The following RBM27 variants were observed in gnomAD, a reference collection of about 807,000 sequenced individuals.
RBM27 encodes RNA binding motif protein 27.
Under a neutral mutation model 135.3 loss-of-function variants are expected in RBM27, and 22 were observed. That is an observed-to-expected ratio of 0.16 (90% CI 0.12 to 0.23). The LOEUF (loss-of-function observed/expected upper bound fraction) is 0.23, where lower values mean the gene tolerates loss of function less well. Ranked by LOEUF, RBM27 falls within the 10% of genes least tolerant of loss-of-function variation. The pLI is 1.00. For synonymous variants in RBM27, 481 were observed against 442.4 expected (o/e 1.09, Z -1.10); for missense variants, 1,009 against 1,281.0 (o/e 0.79, Z 3.24).
At chr5:146,232,155 T>C (rs1166258905) in intron 6 of RBM27, among the ~76,000 whole-genome samples, 1 of 152,222 alleles carries the variant, frequency 6.6e-6, no homozygotes, top group Non-Finnish European at 1.5e-5. Flanking sequence ...TTTTAATGTA[T>C]GCTCCCACTC....
intron 1 of RBM27, 67 bp downstream of exon 1, chr5:146,203,891 AGGGGAGGTGGCGTGGGGGG>A: frequency 1.8e-5 from 2 of 110,374 alleles, no homozygotes; most frequent in Non-Finnish European, 1.6e-5. Flanking sequence ...GGCGTGGGGG[AGGGGAGGTGGCGTGGGGGG>A]CGGCGCTGAG....
intron 8 of RBM27, among the ~76,000 whole-genome samples, chr5:146,243,435 T>C (rs1757493171): frequency 6.6e-6 from 1 of 152,190 alleles, no homozygotes; most frequent in South Asian, 2.1e-4. Context: ...GCCAATATGA[T>C]GCTCAAAGGA....
intron 8 of RBM27, among the ~76,000 whole-genome samples, chr5:146,240,842 T>C (rs1757376748): frequency 6.6e-6 from 1 of 152,180 alleles, no homozygotes; most frequent in East Asian, 1.9e-4. Context: ...ATAGCGTCTT[T>C]TCATAGAACA....
chr5:146,277,577 C>T (rs1581241935), intron 19 of RBM27, among the ~76,000 whole-genome samples: 2 of 140,202 alleles, frequency 1.4e-5, no homozygotes, highest in Non-Finnish European at 3.0e-5. Context: ...GGCTGGAGTG[C>T]AGTGGCACGA....
At chr5:146,238,680 G>T (rs1057096880) in intron 8 of RBM27, among the ~76,000 whole-genome samples, 1 of 149,024 alleles carries the variant, frequency 6.7e-6, no homozygotes, top group Non-Finnish European at 1.5e-5. Flanking sequence ...TTTTTACAAG[G>T]CCTGGTAACT....
intron 13 of RBM27, 115 bp downstream of exon 13, chr5:146,261,921 G>A: frequency 9.6e-7 from 1 of 1,043,660 alleles, no homozygotes; most frequent in Non-Finnish European, 1.4e-6. Flanking sequence ...TTGAACTGCA[G>A]ACCAGTAGCA....
rs1756538795 is a variant in RBM27, at chr5:146,223,384, T to A, written c.179-19T>A. On this transcript the variant is annotated intron_variant, in intron 2 of 20. Coordinates refer to ENST00000265271, the MANE Select transcript of RBM27 (RefSeq NM_018989.2). The stretch of plus-strand genomic sequence containing the variant: ...GTTTTTTGTTTGCGCAATATGTAAA[T>A]GTTATTTCTTCTCCTTAGAAACTTC... 1 of 1,571,274 alleles carries A rather than the reference T, an allele frequency of 6.4e-7. No individual in the cohort carries two copies. Among genetic ancestry groups the A allele is most frequent in the Middle Eastern group, 1.7e-4 (1 of 5,822 alleles).
chr5:146,223,655 C>T (rs951899647), intron 3 of RBM27, 128 bp downstream of exon 3: 1 of 1,037,300 alleles, frequency 9.6e-7, no homozygotes, highest in Middle Eastern at 2.2e-4. Flanking sequence ...AGGCATGGTA[C>T]AGATTCTTCA....
At chr5:146,255,242 G>A in intron 10 of RBM27, 150 bp downstream of exon 10, 1 of 559,314 alleles carries the variant, frequency 1.8e-6, no homozygotes, top group Non-Finnish European at 2.8e-6. Context: ...ATTAATCTCA[G>A]ATTTTTTAAA....
rs144772899 is a variant in RBM27 at position 146,204,568 on chromosome 5, G to T, written c.59+744G>T. ...GAAAAAAGAGGTTTCTGTAAGTTTA[G>T]TTGAAGGTTGAAAGGGCTACACTGG... On this transcript the variant is annotated intron_variant, in intron 1 of 20. Coordinates refer to ENST00000265271, the MANE Select transcript of RBM27 (RefSeq NM_018989.2). Among the ~76,000 whole-genome samples the T allele has an allele frequency of 9.8e-5, 15 of 152,302 alleles. No homozygotes were observed. The East Asian group carries it at 2.9e-3, about 29-fold the overall frequency.
chr5:146,206,621 T>G (rs189275798), intron 1 of RBM27, among the ~76,000 whole-genome samples: 5 of 152,172 alleles, frequency 3.3e-5, no homozygotes, highest in Non-Finnish European at 7.4e-5. Context: ...GCTCTTGTTG[T>G]CCAGGCTGGA....
At chr5:146,268,802 A>G (rs764650566) in intron 15 of RBM27, among the ~76,000 whole-genome samples, 2 of 152,054 alleles carry the variant, frequency 1.3e-5, no homozygotes, top group Non-Finnish European at 2.9e-5. Flanking sequence ...GGCTGGACTC[A>G]AGCATTCCTA....
chr5:146,268,823 C>T (rs1308545568), intron 15 of RBM27, among the ~76,000 whole-genome samples: 2 of 152,080 alleles, frequency 1.3e-5, no homozygotes, highest in African/African-American at 4.8e-5. Context: ...CCACCTCAGC[C>T]TCCCAAAATG....
intron 19 of RBM27, 108 bp from the exon 20 acceptor site, chr5:146,284,514 C>A: frequency 2.7e-6 from 2 of 747,796 alleles, no homozygotes; most frequent in Non-Finnish European, 4.7e-6. Flanking sequence ...TCCACCTTAA[C>A]AGATTTCTCT....
chr5:146,268,048 A>G lies in RBM27; in HGVS notation c.2451+280A>G, dbSNP rs369911275. Among the ~76,000 whole-genome samples, 11 of 152,102 alleles carry G rather than the reference A, an allele frequency of 7.2e-5. 1 individual carries two copies. In the East Asian group the frequency reaches 1.9e-3, roughly 27 times the overall value. ...CTAGGTAGATAATGATTCATATAAA[A>G]TATAAGACTTTTGTAATTATTATCT... On this transcript the variant is annotated intron_variant, in intron 15 of 20. Coordinates refer to ENST00000265271, the MANE Select transcript of RBM27 (RefSeq NM_018989.2).
At chr5:146,273,539 G>C (rs1758959546) in intron 19 of RBM27, among the ~76,000 whole-genome samples, 1 of 152,098 alleles carries the variant, frequency 6.6e-6, no homozygotes, top group Non-Finnish European at 1.5e-5. Context: ...ATCAGAAAGG[G>C]TATTGAGTAC....
At position 146,258,437 on chromosome 5, in the gene RBM27, T is replaced by G; in HGVS notation, c.1595-12T>G. 2 of 1,532,594 alleles carry G rather than the reference T, an allele frequency of 1.3e-6. No homozygotes were observed. Among genetic ancestry groups the G allele is most frequent in the South Asian group, 1.3e-5 (1 of 77,786 alleles). The allele number at this position is 1,532,594 out of a possible 1,614,324, so 94.9% of individuals were successfully genotyped here. A position where few individuals can be genotyped will look rare whatever the true frequency, so the allele number is the denominator to read the frequency against. On this transcript the variant is annotated splice_polypyrimidine_tract_variant and intron_variant, in intron 10 of 20. Coordinates refer to ENST00000265271, the MANE Select transcript of RBM27 (RefSeq NM_018989.2). Reference sequence around the variant, plus strand: ...TGAAAAACTCAGTAATTTCAATTTTTTTTTCCAACAGCTGCTAACATTGTG... The same window carrying G: ...TGAAAAACTCAGTAATTTCAATTTTGTTTTCCAACAGCTGCTAACATTGTG...
intron 19 of RBM27, among the ~76,000 whole-genome samples, chr5:146,283,539 A>G (rs954536489): frequency 3.3e-5 from 5 of 152,110 alleles, no homozygotes; most frequent in African/African-American, 1.2e-4. Context: ...CCCTGTCTCA[A>G]AAAGAAAAAA....
chr5:146,279,902 A>G (rs1438107976), intron 19 of RBM27, among the ~76,000 whole-genome samples: 1 of 151,994 alleles, frequency 6.6e-6, no homozygotes, highest in Non-Finnish European at 1.5e-5. Flanking sequence ...ATTCTTAGGT[A>G]TCTTTATAGA....
Sources: gnomAD v4.1 joint callset for allele counts (sites outside exome capture counted in the v4.1 genomes callset) on GRCh38, gnomAD v4.1.1 for gene constraint, MANE v1.5 for transcripts, NCBI Gene and HGNC (gene_info 2026-07-23, HGNC 2026-07-21) for gene names.